The following VPS13B variants were observed in gnomAD, a reference collection of about 807,000 sequenced individuals.
VPS13B encodes intermembrane lipid transfer protein VPS13B.
A neutral mutation model predicts 426.4 loss-of-function variants in VPS13B; 285 were observed. The ratio of observed to expected loss-of-function variants is 0.67; its 90% CI spans 0.61 to 0.74. VPS13B has a LOEUF of 0.74. VPS13B is among the 30% of genes least tolerant of loss of function. The pLI is 0.00. For synonymous variants in VPS13B, 1,676 were observed against 1,676.4 expected (o/e 1.00, Z 0.01); for missense variants, 4,537 against 4,782.6 (o/e 0.95, Z 1.51).
chr8:99,042,784 A>C (rs1587953073), intron 3 of VPS13B, among the ~76,000 whole-genome samples: 1 of 152,260 alleles, frequency 6.6e-6, no homozygotes. Context: ...ACTGATTTCC[A>C]GTATTAATAA....
chr8:99,722,965 A>G (rs1833191798), intron 39 of VPS13B, among the ~76,000 whole-genome samples: 2 of 152,206 alleles, frequency 1.3e-5, no homozygotes, highest in African/African-American at 4.8e-5. Context: ...AAGTGTAATA[A>G]CTAATTATTG....
intron 16 of VPS13B, among the ~76,000 whole-genome samples, chr8:99,176,142 G>GT (rs562105422): frequency 0.069 from 9,862 of 143,196 alleles, 391 homozygotes; most frequent in Non-Finnish European, 0.1. Flanking sequence ...ATAAACTTTT[G>GT]TTTTTTTTTT....
chr8:99,676,807 A>C (rs1830953739), intron 35 of VPS13B, among the ~76,000 whole-genome samples: 1 of 152,104 alleles, frequency 6.6e-6, no homozygotes, highest in Non-Finnish European at 1.5e-5. Context: ...AAATGCAAGA[A>C]GATTCAAAGC....
At chr8:99,680,417 A>G (rs1266782056) in intron 35 of VPS13B, among the ~76,000 whole-genome samples, 2 of 152,166 alleles carry the variant, frequency 1.3e-5, no homozygotes, top group Non-Finnish European at 2.9e-5. Context: ...TCCTTTCACT[A>G]TTAAGTCATC....
At chr8:99,380,424 T>C (rs1319684130) in intron 19 of VPS13B, among the ~76,000 whole-genome samples, 1 of 152,200 alleles carries the variant, frequency 6.6e-6, no homozygotes, top group Non-Finnish European at 1.5e-5. Context: ...CATCTTGTGT[T>C]TGCTTAGCTT....
rs576071810 is a variant in VPS13B at position 99,705,343 on chromosome 8, C to T, written c.6454+5411C>T. On this transcript the variant is annotated intron_variant, in intron 36 of 61. Coordinates refer to ENST00000357162, the MANE Select transcript of VPS13B (RefSeq NM_152564.5). ...TCCCATATTATGTTTTCTAATATGA[C>T]GAGAATAAAAACCATAAATGTATGA... Among the ~76,000 whole-genome samples, 13 of 152,118 alleles carry T rather than the reference C, an allele frequency of 8.5e-5. No homozygotes were observed. In the East Asian group the frequency reaches 9.7e-4, roughly 11 times the overall value.
chr8:99,366,462 A>AT (rs1344093898), intron 19 of VPS13B, among the ~76,000 whole-genome samples: 2 of 146,006 alleles, frequency 1.4e-5, no homozygotes, highest in Non-Finnish European at 3.0e-5. Flanking sequence ...TTCATTTTGT[A>AT]TTTGAGTGTC....
intron 17 of VPS13B, among the ~76,000 whole-genome samples, chr8:99,228,097 G>A (rs992379610): frequency 6.6e-6 from 1 of 151,992 alleles, no homozygotes; most frequent in Non-Finnish European, 1.5e-5. Context: ...ATTACTAGGT[G>A]GAGGAGTAAT....
intron 58 of VPS13B, 43 bp downstream of exon 58, chr8:99,861,989 G>C: frequency 6.5e-7 from 1 of 1,541,778 alleles, no homozygotes. Context: ...ACTCCAGCAG[G>C]CTGAGATGCA....
chr8:99,360,240 C>CTCCTTCCTTCCT lies in VPS13B; in HGVS notation c.2825-23937_2825-23926dup, dbSNP rs763728692. On this transcript the variant is annotated intron_variant, in intron 19 of 61. Transcript: ENST00000357162. Reference sequence around the variant, plus strand: ...TTTCTTTCTTTCTTTCTTTCTCTCTCTCCTTCCTTCCTTCCTTCCTTCCTT... The same window carrying CTCCTTCCTTCCT: ...TTTCTTTCTTTCTTTCTTTCTCTCTCTCCTTCCTTCCTTCCTTCCTTCCTTCCTTCCTTCCTT... Among the ~76,000 whole-genome samples, 12 of 76,852 alleles carry CTCCTTCCTTCCT rather than the reference C, an allele frequency of 1.6e-4. No homozygotes were observed. In the East Asian group the frequency reaches 1.8e-3, roughly 12 times the overall value. The allele number at this position is 76,852 out of a possible 152,430, so 50.4% of individuals were successfully genotyped here.
At chr8:99,803,708 T>G (rs897211771) in intron 43 of VPS13B, among the ~76,000 whole-genome samples, 6 of 152,234 alleles carry the variant, frequency 3.9e-5, no homozygotes, top group African/African-American at 1.4e-4. Flanking sequence ...GAAATTCAAA[T>G]TCCTTGAAAA....
intron 30 of VPS13B, among the ~76,000 whole-genome samples, chr8:99,540,312 C>T (rs530273637): frequency 2.6e-5 from 4 of 151,322 alleles, no homozygotes; most frequent in African/African-American, 9.7e-5. Flanking sequence ...ATCTCCTGAC[C>T]TCATGATCCA....
At chr8:99,425,840 C>G (rs985045434) in intron 21 of VPS13B, among the ~76,000 whole-genome samples, 3 of 152,152 alleles carry the variant, frequency 2.0e-5, no homozygotes, top group African/African-American at 7.2e-5. Context: ...AGCTGATAGG[C>G]AACTTCAGCA....
At chr8:99,251,315 A>G (rs945475166) in intron 17 of VPS13B, among the ~76,000 whole-genome samples, 4 of 152,086 alleles carry the variant, frequency 2.6e-5, no homozygotes, top group African/African-American at 9.7e-5. Context: ...GATCTTTCTT[A>G]GGAAGTTCCT....
intron 2 of VPS13B, among the ~76,000 whole-genome samples, chr8:99,026,958 ACT>A (rs1842172478): frequency 6.6e-6 from 1 of 151,762 alleles, no homozygotes; most frequent in Non-Finnish European, 1.5e-5. Flanking sequence ...CTCACTGCAA[ACT>A]CTGCCTCCCA....
intron 35 of VPS13B, among the ~76,000 whole-genome samples, chr8:99,679,747 C>A (rs899902640): frequency 6.6e-6 from 1 of 152,198 alleles, no homozygotes; most frequent in African/African-American, 2.4e-5. Flanking sequence ...ATCTCATTGT[C>A]ATGGACAGCT....
intron 35 of VPS13B, among the ~76,000 whole-genome samples, chr8:99,664,443 A>G (rs1368263527): frequency 6.6e-6 from 1 of 151,608 alleles, no homozygotes; most frequent in Non-Finnish European, 1.5e-5. Flanking sequence ...CATTAGATAT[A>G]TCTCCTAATG....
At chr8:99,272,771 A>G (rs1818666420) in intron 17 of VPS13B, among the ~76,000 whole-genome samples, 1 of 152,128 alleles carries the variant, frequency 6.6e-6, no homozygotes, top group African/African-American at 2.4e-5. Context: ...ATAAAAATTT[A>G]TTTGCTTCCT....
intron 16 of VPS13B, among the ~76,000 whole-genome samples, chr8:99,170,453 A>G (rs972490333): frequency 6.6e-6 from 1 of 151,868 alleles, no homozygotes; most frequent in African/African-American, 2.4e-5. Flanking sequence ...CTGTAAGAGG[A>G]AGTGCCTTTT....
Sources: allele counts gnomAD v4.1 joint callset (sites outside exome capture counted in the v4.1 genomes callset), GRCh38; gene constraint gnomAD v4.1.1; transcripts MANE v1.5; gene names NCBI Gene and HGNC (gene_info 2026-07-23, HGNC 2026-07-21).